Variants in ZNF397 observed in about 807,000 individuals in gnomAD.
The protein encoded by ZNF397 is zinc finger and SCAN domain-containing protein 15.
ZNF397 carries 38 observed loss-of-function variants against 50.6 expected under a neutral mutation model. The ratio of observed to expected loss-of-function variants is 0.75; its 90% confidence interval spans 0.58 to 0.98. The LOEUF is 0.98. ZNF397 is among the 50% of genes least tolerant of loss of function. The probability of loss-of-function intolerance (pLI) is 0.00; values close to 1 mark genes in which losing one functional copy is unlikely to be tolerated. For missense variants in ZNF397, 624 were observed against 624.1 expected (o/e 1.00, Z 0.00); for synonymous variants, 228 against 215.2 (o/e 1.06, Z -0.52).
chr18:35,246,723 A>G lies in ZNF397; in HGVS notation c.*413A>G. The G allele has an allele frequency of 1.0e-6, 1 of 990,060 alleles. No homozygotes were observed. The highest frequency in any genetic ancestry group is 1.2e-6 in the Non-Finnish European group (1 of 833,238). The allele number at this position is 990,060 out of a possible 1,614,324, so 61.3% of individuals were successfully genotyped here. A position where few individuals can be genotyped will look rare whatever the true frequency, so the allele number is the denominator to read the frequency against. ...CTCAGGAACTAAAAAAAAAAAAAAA[A>G]CTGACCCAATAAAGAACAGTGACAG... On this transcript the variant is annotated 3_prime_UTR_variant, in exon 4 of 4. Coordinates refer to ENST00000330501, the MANE Select transcript of ZNF397 (RefSeq NM_001135178.3).
rs1350590970 is a variant in ZNF397, at chr18:35,247,093, T to G, written c.*783T>G. The G allele has an allele frequency of 2.0e-6, 2 of 985,388 alleles. No homozygotes were observed. Among genetic ancestry groups the G allele is most frequent in the Non-Finnish European group, 2.4e-6 (2 of 830,014 alleles). 61.0% of individuals were successfully genotyped at this position (985,388 alleles called of 1,614,324 possible). On this transcript the variant is annotated 3_prime_UTR_variant, in exon 4 of 4. Transcript: ENST00000330501. ...GAAGTGGTACCCCAGTAAAGAACAG[T>G]AGCCAAAGGCCAGAAACAAAGTGTG...
In ZNF397 at chr18:35,249,670, A is replaced by C. The variant is rs915895065; in HGVS notation, c.*3360A>C. On this transcript the variant is annotated 3_prime_UTR_variant, in exon 4 of 4. Transcript: ENST00000330501. The stretch of plus-strand genomic sequence containing the variant: ...TGTGTCTCAAAAAAAAAAAAAAAAA[A>C]AAAAAAAACACTGATGTCAATTAAT... 6.7e-6 allele frequency: 1 copy of C among 149,614 alleles called. No homozygotes were observed. The highest frequency in any genetic ancestry group is 6.7e-5 in the Admixed American group (1 of 14,884). The allele number at this position is 149,614 out of a possible 1,614,324, so 9.3% of individuals were successfully genotyped here. A position where few individuals can be genotyped will look rare whatever the true frequency, so the allele number is the denominator to read the frequency against.
downstream of ZNF397, chr18:35,254,297 C>T: frequency 6.2e-7 from 1 of 1,614,110 alleles, no homozygotes; most frequent in South Asian, 1.1e-5. Context: ...AGGAAGTTTT[C>T]CCGGCGATAT....
intron 1 of ZNF397, 54 bp from the exon 2 acceptor site, chr18:35,242,337 A>G (rs1912568296): frequency 1.3e-6 from 1 of 799,802 alleles, no homozygotes; most frequent in East Asian, 2.5e-5. Context: ...TCTTATTACA[A>G]GTACTTAGAG....
At chr18:35,241,786 GTGTT>G (rs1368277885) in intron 1 of ZNF397, 10 of 152,290 alleles carry the variant, frequency 6.6e-5, no homozygotes, top group African/African-American at 2.4e-4. Flanking sequence ...AAGTGCCTCA[GTGTT>G]TGTTGAAGTA....
At position 35,246,293 on chromosome 18, in the gene ZNF397, G is replaced by GTCCA; in HGVS notation, c.1589_1592dup (p.Thr532ProfsTer12). On this transcript the variant is annotated frameshift_variant, in exon 4 of 4. Coordinates refer to ENST00000330501, the MANE Select transcript of ZNF397 (RefSeq NM_001135178.3). LOFTEE classifies it high-confidence loss of function. ...ATCGGTCCTTATGCGCCATCAAAGA[G>GTCCA]TCCACACTATAAAGTAATTTGTGAA... 6.5e-7 allele frequency: 1 copy of GTCCA among 1,543,686 alleles called. No homozygotes were observed. Among genetic ancestry groups the GTCCA allele is most frequent in the Non-Finnish European group, 8.7e-7 (1 of 1,144,376 alleles).
rs112028936 is a variant in ZNF397, at chr18:35,257,709, G to A, written c.818-219G>A. Reference sequence around the variant, plus strand: ...ACTATACAGAGATGCCTCCTTCTGTGGAGAATTACCCAGGCTGATGAGAGC... The same window carrying A: ...ACTATACAGAGATGCCTCCTTCTGTAGAGAATTACCCAGGCTGATGAGAGC... On this transcript the variant is annotated intron_variant, in intron 5 of 5. Coordinates refer to the ZNF397 transcript ENST00000261333. Among the ~76,000 whole-genome samples, 387 of 152,292 alleles carry A rather than the reference G, an allele frequency of 2.5e-3. 1 individual carries two copies. Among genetic ancestry groups the A allele is most frequent in the African/African-American group, 8.2e-3 (342 of 41,574 alleles).
chr18:35,254,313 C>T (rs1409134341), downstream of ZNF397: 3 of 1,614,112 alleles, frequency 1.9e-6, no homozygotes, highest in Admixed American at 1.7e-5. Context: ...GATATCATAG[C>T]TGCTGAGGCT....
In ZNF397 at chr18:35,246,965, T is replaced by G. The variant is rs2043492916; in HGVS notation, c.*655T>G. 1 of 842,202 alleles carries G rather than the reference T, an allele frequency of 1.2e-6. No homozygotes were observed. The highest frequency in any genetic ancestry group is 6.2e-5 in the Admixed American group (1 of 16,108). 52.2% of individuals were successfully genotyped at this position (842,202 alleles called of 1,614,324 possible). On this transcript the variant is annotated 3_prime_UTR_variant, in exon 4 of 4. Coordinates refer to ENST00000330501, the MANE Select transcript of ZNF397 (RefSeq NM_001135178.3). Reference sequence around the variant, plus strand: ...AGCCAGACAGGCAGTGAAAGTGGAATGCTCCTATGTGACCTTAAGGAGCAC... The same window carrying G: ...AGCCAGACAGGCAGTGAAAGTGGAAGGCTCCTATGTGACCTTAAGGAGCAC...
intron 5 of ZNF397, chr18:35,257,416 G>A (rs575942411): frequency 1.9e-5 from 3 of 155,456 alleles, no homozygotes; most frequent in African/African-American, 4.8e-5. Context: ...GTATTAGGAA[G>A]TGCGGACCTT....
Position 35,249,255 on chromosome 18 carries a change from A to G in ZNF397, c.*2945A>G, listed in dbSNP as rs1598588489. The G allele has an allele frequency of 2.6e-5, 4 of 152,334 alleles. No individual in the cohort carries two copies. Among genetic ancestry groups the G allele is most frequent in the South Asian group, 4.1e-4 (2 of 4,828 alleles). The allele number at this position is 152,334 out of a possible 1,614,324, so 9.4% of individuals were successfully genotyped here. ...AAATACATACCATCTCTGGCAATCA[A>G]TACCAGAAGCTTTAAGCATTGCCTT... is the stretch of plus-strand genomic sequence containing the variant. On this transcript the variant is annotated 3_prime_UTR_variant, in exon 4 of 4. Coordinates refer to ENST00000330501, the MANE Select transcript of ZNF397 (RefSeq NM_001135178.3).
exon 6 of ZNF397, chr18:35,258,082 A>G (rs2143675332): frequency 4.0e-6 from 3 of 746,568 alleles, no homozygotes; most frequent in Non-Finnish European, 7.4e-6. Flanking sequence ...TCTTACAATC[A>G]TATCACAGTG....
intron 3 of ZNF397, among the ~76,000 whole-genome samples, chr18:35,244,556 G>A (rs367640647): frequency 2.6e-5 from 4 of 152,066 alleles, no homozygotes; most frequent in African/African-American, 4.8e-5. Context: ...AGGAACGCTC[G>A]TGTTTGAGTG....
rs1017985532 is a variant in ZNF397 at position 35,256,734 on chromosome 18, ATC to A, written c.818-1190_818-1189del. ...TTTGGAGGAGAAATAAGGCACAGGT[ATC>A]TCTGTTAGAAGAGCTCTTCTGTTTT... On this transcript the variant is annotated intron_variant, in intron 5 of 5. Transcript: ENST00000261333. Among the ~76,000 whole-genome samples, 10 of 152,124 alleles carry A rather than the reference ATC, an allele frequency of 6.6e-5. No individual in the cohort carries two copies. The Middle Eastern group carries it at 0.01, about 155-fold the overall frequency.
At chr18:35,251,593 T>C (rs964329224), downstream of ZNF397, 1 of 152,064 alleles carries the variant, frequency 6.6e-6, no homozygotes, top group Non-Finnish European at 1.5e-5. Context: ...TGGGAGGTGA[T>C]TAGATCATGG....
At chr18:35,251,771 T>TCC (rs1444262942), downstream of ZNF397, 5 of 152,112 alleles carry the variant, frequency 3.3e-5, no homozygotes, top group Non-Finnish European at 7.3e-5. Context: ...TCCCCAGCCC[T>TCC]GCAGAACTGT....
chr18:35,254,079 A>G, downstream of ZNF397: 1 of 1,614,104 alleles, frequency 6.2e-7, no homozygotes, highest in Non-Finnish European at 8.5e-7. Flanking sequence ...ATATCATTTG[A>G]ATTCATACTG....
intron 1 of ZNF397, chr18:35,241,358 G>C (rs535354569): frequency 1.8e-5 from 1 of 54,730 alleles, no homozygotes; most frequent in South Asian, 4.5e-4. Flanking sequence ...AAAATAGAAG[G>C]GCTAGTTAGT....
At chr18:35,253,513 A>G (rs774805556), downstream of ZNF397, 2 of 1,611,898 alleles carry the variant, frequency 1.2e-6, no homozygotes, top group East Asian at 2.2e-5. Context: ...ATGTTTTTCT[A>G]CATTCACTAC....
Sources: gnomAD v4.1 joint callset for allele counts (sites outside exome capture counted in the v4.1 genomes callset) on GRCh38, gnomAD v4.1.1 for gene constraint, MANE v1.5 for transcripts, NCBI Gene and HGNC (gene_info 2026-07-23, HGNC 2026-07-21) for gene names.